SHISAL1: variants seen among roughly 807,000 people sequenced by gnomAD.
The protein encoded by SHISAL1 is protein shisa-like-1.
A neutral mutation model predicts 22.6 loss-of-function variants in SHISAL1; 9 were observed. The ratio of observed to expected loss-of-function variants is 0.40; its 90% CI spans 0.24 to 0.70. The LOEUF is 0.70. Among genes scored for constraint, SHISAL1 ranks in the 30% least tolerant of loss-of-function variants. SHISAL1 has a pLI of 0.39. For missense variants in SHISAL1, 246 were observed against 270.6 expected (o/e 0.91, Z 0.64); for synonymous variants, 119 against 115.4 (o/e 1.03, Z -0.20).
At chr22:44,257,621 T>G (rs2055093464) in intron 4 of SHISAL1, among the ~76,000 whole-genome samples, 2 of 152,214 alleles carry the variant, frequency 1.3e-5, no homozygotes, top group South Asian at 2.1e-4. Context: ...GATAACAAAA[T>G]TTGTAAGACA....
At chr22:44,313,974 G>A (rs1272396806), upstream of SHISAL1, among the ~76,000 whole-genome samples, 1 of 152,200 alleles carries the variant, frequency 6.6e-6, no homozygotes, top group Non-Finnish European at 1.5e-5. Flanking sequence ...GGGAAACCAG[G>A]GGGCTATGGG....
chr22:44,286,877 C>T (rs961909559), intron 3 of SHISAL1, among the ~76,000 whole-genome samples: 4 of 152,232 alleles, frequency 2.6e-5, no homozygotes, highest in Admixed American at 2.0e-4. Context: ...ATCACTCCGG[C>T]GCCGCCTCCG....
intron 4 of SHISAL1, among the ~76,000 whole-genome samples, chr22:44,283,460 T>TGTGCTTGTTGG (rs1290260325): frequency 9.2e-5 from 14 of 152,052 alleles, no homozygotes; most frequent in Non-Finnish European, 1.9e-4. Flanking sequence ...AAAAGCAATA[T>TGTGCTTGTTGG]GGAACAGGGG....
chr22:44,301,778 T>C (rs771442792), intron 1 of SHISAL1, among the ~76,000 whole-genome samples: 1 of 152,190 alleles, frequency 6.6e-6, no homozygotes, highest in Non-Finnish European at 1.5e-5. Flanking sequence ...GAGGGAATTA[T>C]GCCTATGAAC....
intron 4 of SHISAL1, among the ~76,000 whole-genome samples, chr22:44,284,487 C>T (rs1569217477): frequency 2.6e-5 from 4 of 152,272 alleles, no homozygotes; most frequent in South Asian, 4.1e-4. Context: ...TGCACCCCTC[C>T]AGCAAGGGGG....
In SHISAL1 at chr22:44,281,347, G is replaced by T. The variant is rs1019034522; in HGVS notation, c.599+4081C>A. On this transcript the variant is annotated intron_variant, in intron 4 of 4. Transcript: ENST00000381176. ...AGGGTAGGGAGTCCAGCAGGAGGACGGAGGTCCAGATAGTGAGGTCAGGTC... is the reference window on the plus strand; with the variant it reads ...AGGGTAGGGAGTCCAGCAGGAGGACTGAGGTCCAGATAGTGAGGTCAGGTC... Among the ~76,000 whole-genome samples the T allele has an allele frequency of 3.3e-5, 5 of 152,160 alleles. No homozygotes were observed. The East Asian group carries it at 9.6e-4, about 29-fold the overall frequency.
intron 4 of SHISAL1, among the ~76,000 whole-genome samples, chr22:44,253,784 G>A (rs1486194636): frequency 6.6e-6 from 1 of 151,456 alleles, no homozygotes; most frequent in East Asian, 1.9e-4. Flanking sequence ...TCCATATGCA[G>A]TTGGCAAAAA....
Position 44,267,784 on chromosome 22 carries a change from C to T in SHISAL1, c.599+17644G>A, listed in dbSNP as rs375633133. 2.5e-3 allele frequency among the ~76,000 whole-genome samples: 385 copies of T among 152,342 alleles called. 2 individuals are homozygous for T. The highest frequency in any genetic ancestry group is 8.7e-3 in the African/African-American group (360 of 41,576). Reference sequence around the variant, plus strand: ...CTCTGCACGTGCTATTTCCAGTGCCCGGACCACTCCCCACTTCCTCCCCTG... The same window carrying T: ...CTCTGCACGTGCTATTTCCAGTGCCTGGACCACTCCCCACTTCCTCCCCTG... On this transcript the variant is annotated intron_variant, in intron 4 of 4. Transcript: ENST00000381176.
At chr22:44,318,375 T>C in the SHISAL1 span, among the ~76,000 whole-genome samples, 1 of 152,258 alleles carries the variant, frequency 6.6e-6, no homozygotes, top group Non-Finnish European at 1.5e-5. Context: ...AAAGTATTTA[T>C]GAAAGTGCTT....
At position 44,253,425 on chromosome 22, in the gene SHISAL1, A is replaced by ATTTTTTTTTTT. The variant is rs1491154287; in HGVS notation, c.*-3741_*-3740insAAAAAAAAAAA. 9.3e-5 allele frequency among the ~76,000 whole-genome samples: 10 copies of ATTTTTTTTTTT among 107,884 alleles called. 4 individuals are homozygous for ATTTTTTTTTTT. Among genetic ancestry groups the ATTTTTTTTTTT allele is most frequent in the African/African-American group, 1.3e-4 (4 of 31,034 alleles). The allele number at this position is 107,884 out of a possible 152,430, so 70.8% of individuals were successfully genotyped here. A position where few individuals can be genotyped will look rare whatever the true frequency, so the allele number is the denominator to read the frequency against. Reference sequence around the variant, plus strand: ...AAGCAGAGTATGCTAGTATTAGTGCATGTTTTTTTTTTTTTTTTTTTTTGA... The same window carrying ATTTTTTTTTTT: ...AAGCAGAGTATGCTAGTATTAGTGCATTTTTTTTTTTTGTTTTTTTTTTTTTTTTTTTTTGA... On this transcript the variant is annotated intron_variant, in intron 4 of 4. Transcript: ENST00000381176.
At chr22:44,262,214 G>A (rs989449506) in intron 4 of SHISAL1, among the ~76,000 whole-genome samples, 1 of 152,240 alleles carries the variant, frequency 6.6e-6, no homozygotes, top group Admixed American at 6.5e-5. Context: ...ACGACAGGGA[G>A]GGCACTCCAG....
chr22:44,316,682 C>A (rs2055560290), upstream of SHISAL1, among the ~76,000 whole-genome samples: 1 of 152,228 alleles, frequency 6.6e-6, no homozygotes, highest in Non-Finnish European at 1.5e-5. Flanking sequence ...GCAACCCTGG[C>A]ATCTCCCGGG....
intron 4 of SHISAL1, among the ~76,000 whole-genome samples, chr22:44,271,653 A>G (rs2055206279): frequency 6.6e-6 from 1 of 152,170 alleles, no homozygotes; most frequent in Non-Finnish European, 1.5e-5. Flanking sequence ...ATGTCGATGG[A>G]GATAAATTCC....
the SHISAL1 span, among the ~76,000 whole-genome samples, chr22:44,328,912 C>T: frequency 6.6e-6 from 1 of 152,208 alleles, no homozygotes; most frequent in Non-Finnish European, 1.5e-5. Context: ...AAGGCTTCAG[C>T]CGCCCTGCTG....
At chr22:44,278,984 T>A (rs2055258761) in intron 4 of SHISAL1, among the ~76,000 whole-genome samples, 1 of 152,016 alleles carries the variant, frequency 6.6e-6, no homozygotes. Context: ...CAGGCTCTCA[T>A]CACCATCACT....
Position 44,285,409 on chromosome 22 carries a change from C to A in SHISAL1, c.599+19G>T, listed in dbSNP as rs1382327324. 1.2e-6 allele frequency: 2 copies of A among 1,612,802 alleles called. No individual in the cohort carries two copies. Among genetic ancestry groups the A allele is most frequent in the East Asian group, 2.2e-5 (1 of 44,890 alleles). The stretch of plus-strand genomic sequence containing the variant: ...GACAATGACCCAAATCATTCTGGGT[C>A]TCAATTGTAGCCACTCACCAGGCAG... On this transcript the variant is annotated intron_variant, in intron 4 of 4. Coordinates refer to ENST00000381176, the MANE Select transcript of SHISAL1 (RefSeq NM_001099294.2).
At chr22:44,278,403 C>T (rs2055254251) in intron 4 of SHISAL1, among the ~76,000 whole-genome samples, 1 of 152,170 alleles carries the variant, frequency 6.6e-6, no homozygotes, top group Admixed American at 6.5e-5. Flanking sequence ...TTAGTTCTGT[C>T]CCTCTAGGGA....
rs116778272 is a variant in SHISAL1 at position 44,309,337 on chromosome 22, G to A, written c.-33+3414C>T. ...TGATTAGCAGTGGTAGCATTAGCACGGATTAGTAATTCAACAGGGCAGGGC... is the reference window on the plus strand; with the variant it reads ...TGATTAGCAGTGGTAGCATTAGCACAGATTAGTAATTCAACAGGGCAGGGC... On this transcript the variant is annotated intron_variant, in intron 1 of 4. Coordinates refer to ENST00000381176, the MANE Select transcript of SHISAL1 (RefSeq NM_001099294.2). Among the ~76,000 whole-genome samples, 489 of 152,294 alleles carry A rather than the reference G, an allele frequency of 3.2e-3. 4 individuals carry two copies. The highest frequency in any genetic ancestry group is 0.011 in the African/African-American group (449 of 41,558).
At chr22:44,315,475 C>T (rs187734657), upstream of SHISAL1, among the ~76,000 whole-genome samples, 22 of 152,206 alleles carry the variant, frequency 1.4e-4, no homozygotes, top group East Asian at 3.7e-3. Context: ...AGTAGGGAAT[C>T]GGTGTGAATT....
Sources: allele counts gnomAD v4.1 joint callset (sites outside exome capture counted in the v4.1 genomes callset), GRCh38; gene constraint gnomAD v4.1.1; transcripts MANE v1.5; gene names NCBI Gene and HGNC (gene_info 2026-07-23, HGNC 2026-07-21).